The following DCAF17 variants were observed in gnomAD, a reference collection of about 807,000 sequenced individuals.
DCAF17 encodes the protein DDB1- and CUL4-associated factor 17.
Under a neutral mutation model 66.0 loss-of-function variants are expected in DCAF17, and 48 were observed. That is an observed-to-expected ratio of 0.73 (90% CI 0.58 to 0.92). The LOEUF is 0.92. Among genes scored for constraint, DCAF17 ranks in the 40% least tolerant of loss-of-function variants. The pLI is 0.00. For missense variants in DCAF17, 562 were observed against 622.8 expected, an observed-to-expected ratio of 0.90 and a Z score of 1.04; for synonymous variants, 206 against 214.6, an observed-to-expected ratio of 0.96 and a Z score of 0.35.
intron 2 of DCAF17, 99 bp from the exon 3 acceptor site, chr2:171,443,424 T>C (rs1228984036): frequency 1.1e-6 from 1 of 897,664 alleles, no homozygotes; most frequent in Admixed American, 2.1e-5. Context: ...AATTGTGCCT[T>C]GGTATTTCAC....
At chr2:171,436,794 G>A (rs1036734937) in intron 2 of DCAF17, among the ~76,000 whole-genome samples, 25 of 134,100 alleles carry the variant, frequency 1.9e-4, no homozygotes, top group African/African-American at 6.7e-4. Context: ...TTTTTTTTGA[G>A]ACAGAGTTTT....
At position 171,484,968 on chromosome 2, in the gene DCAF17, T is replaced by C. The variant is rs1479286059; in HGVS notation, c.*3854T>C. 5 of 454,024 alleles carry C rather than the reference T, an allele frequency of 1.1e-5. No homozygotes were observed. The East Asian group carries it at 3.5e-4, about 31-fold the overall frequency. The allele number at this position is 454,024 out of a possible 1,614,324, so 28.1% of individuals were successfully genotyped here. A position where few individuals can be genotyped will look rare whatever the true frequency, so the allele number is the denominator to read the frequency against. ...GTATGAATATATCACAGTTTGTTTT[T>C]TTATCTTTCTGTTGATGGACACTGG... On this transcript the variant is annotated 3_prime_UTR_variant, in exon 14 of 14. Coordinates refer to ENST00000375255, the MANE Select transcript of DCAF17 (RefSeq NM_025000.4).
intron 13 of DCAF17, among the ~76,000 whole-genome samples, chr2:171,480,564 G>T (rs970104305): frequency 5.3e-5 from 8 of 152,090 alleles, no homozygotes; most frequent in African/African-American, 1.9e-4. Context: ...GGATTCCCAG[G>T]TACTCTTGTA....
At chr2:171,436,116 G>A (rs1030017345) in intron 2 of DCAF17, among the ~76,000 whole-genome samples, 10 of 152,200 alleles carry the variant, frequency 6.6e-5, no homozygotes, top group Non-Finnish European at 1.5e-4. Context: ...TTTTCACTTT[G>A]CGTGTTTTCA....
rs1000628753 is a variant in DCAF17, at chr2:171,434,303, C to G, written c.-275C>G. Reference sequence around the variant, plus strand: ...AGCGGCTCCGGCCGGCCGCGCGGTACCGGAGCGTCGCACTGTCAGCGGCCA... The same window carrying G: ...AGCGGCTCCGGCCGGCCGCGCGGTAGCGGAGCGTCGCACTGTCAGCGGCCA... On this transcript the variant is annotated 5_prime_UTR_variant, in exon 1 of 14. Transcript: ENST00000375255. 6.5e-6 allele frequency: 4 copies of G among 613,074 alleles called. No homozygotes were observed. Among genetic ancestry groups the G allele is most frequent in the Non-Finnish European group, 1.2e-5 (4 of 334,328 alleles). The allele number at this position is 613,074 out of a possible 1,614,324, so 38.0% of individuals were successfully genotyped here.
chr2:171,479,001 T>C (rs1696625059), intron 12 of DCAF17, among the ~76,000 whole-genome samples: 1 of 152,046 alleles, frequency 6.6e-6, no homozygotes, highest in Admixed American at 6.6e-5. Flanking sequence ...TATTTTAGCC[T>C]GTAAAGGAAA....
chr2:171,439,315 C>T (rs1694153679), intron 2 of DCAF17, among the ~76,000 whole-genome samples: 1 of 151,868 alleles, frequency 6.6e-6, no homozygotes, highest in South Asian at 2.1e-4. Flanking sequence ...CTCCAATTTT[C>T]CTGTAATACT....
chr2:171,479,403 T>C (rs904751447), intron 12 of DCAF17, among the ~76,000 whole-genome samples: 4 of 152,226 alleles, frequency 2.6e-5, no homozygotes, highest in Non-Finnish European at 5.9e-5. Context: ...GAGACACAGT[T>C]CTGGGATTTT....
At chr2:171,447,573 A>G in intron 3 of DCAF17, 1 of 169,082 alleles carries the variant, frequency 5.9e-6, no homozygotes, top group South Asian at 1.2e-4. Context: ...CATGTTGGCC[A>G]GGCTGGTCTC....
At chr2:171,448,102 A>G (rs1192665514) in intron 3 of DCAF17, among the ~76,000 whole-genome samples, 2 of 152,216 alleles carry the variant, frequency 1.3e-5, no homozygotes, top group South Asian at 2.1e-4. Context: ...GGTAAAGGAA[A>G]AAGGGGGCAA....
At chr2:171,439,501 C>CT (rs1353246291) in intron 2 of DCAF17, among the ~76,000 whole-genome samples, 82 of 99,130 alleles carry the variant, frequency 8.3e-4, no homozygotes, top group Middle Eastern at 6.9e-3. Flanking sequence ...TCTAGTATTT[C>CT]TTTTTTTTCC....
chr2:171,469,851 G>A (rs1345647972), intron 9 of DCAF17, among the ~76,000 whole-genome samples: 2 of 152,126 alleles, frequency 1.3e-5, no homozygotes, highest in East Asian at 1.9e-4. Context: ...TGTCATCCAC[G>A]CTGGAGTACA....
intron 10 of DCAF17, among the ~76,000 whole-genome samples, chr2:171,475,984 C>T (rs575322611): frequency 5.3e-5 from 8 of 152,186 alleles, no homozygotes; most frequent in Admixed American, 1.3e-4. Flanking sequence ...ACAAGGCCCA[C>T]GAAGAGTGTA....
At chr2:171,442,563 C>CAAAA (rs1176443561) in intron 2 of DCAF17, among the ~76,000 whole-genome samples, 82 of 59,882 alleles carry the variant, frequency 1.4e-3, no homozygotes, top group Middle Eastern at 9.8e-3. Flanking sequence ...GACTCCATCT[C>CAAAA]AAAAAAAAAA....
At chr2:171,453,307 G>A (rs1356855021) in intron 6 of DCAF17, 94 bp downstream of exon 6, 2 of 949,380 alleles carry the variant, frequency 2.1e-6, no homozygotes, top group South Asian at 1.6e-5. Flanking sequence ...GATTGGAAAT[G>A]CTCCCCTCAC....
At chr2:171,459,773 G>A (rs1695468045) in intron 8 of DCAF17, among the ~76,000 whole-genome samples, 1 of 152,134 alleles carries the variant, frequency 6.6e-6, no homozygotes, top group Non-Finnish European at 1.5e-5. Flanking sequence ...GGGAGTTCAA[G>A]TAAGTTATTC....
chr2:171,434,581 G>A lies in DCAF17; in HGVS notation c.4G>A (p.Gly2Ser), dbSNP rs1693664593. 9 of 1,527,188 alleles carry A rather than the reference G, an allele frequency of 5.9e-6. No individual in the cohort carries two copies. The highest frequency in any genetic ancestry group is 2.0e-5 in the Admixed American group (1 of 50,666). The allele number at this position is 1,527,188 out of a possible 1,614,324, so 94.6% of individuals were successfully genotyped here. The change falls in exon 1 of 14, where the codon GGC becomes AGC. Residue 2 changes from glycine (G) to serine (S), a missense_variant. This residue lies in a region of DCAF17 where 348 missense variants were observed against 355.9 expected (regional missense o/e 0.98). Transcript: ENST00000375255. ...CCAGGGCCCGGCCCGCGCCTCCATG[G>A]GCCCGACCCGGAAGCCCAACGTGTG... MGPTRKPNVCSR... is the reference protein window; with the variant it reads MSPTRKPNVCSR...
intron 12 of DCAF17, among the ~76,000 whole-genome samples, chr2:171,478,981 A>G (rs192898478): frequency 9.2e-5 from 14 of 152,332 alleles, no homozygotes; most frequent in African/African-American, 3.1e-4. Context: ...CATGAGATTA[A>G]AAAACAAAAT....
intron 8 of DCAF17, among the ~76,000 whole-genome samples, chr2:171,461,519 T>C (rs1396046228): frequency 6.6e-6 from 1 of 152,180 alleles, no homozygotes; most frequent in East Asian, 1.9e-4. Context: ...TATAGTCCTC[T>C]TACATGGGGT....
Sources: gnomAD v4.1 joint callset for allele counts (sites outside exome capture counted in the v4.1 genomes callset) on GRCh38, gnomAD v4.1.1 for gene constraint, gnomAD v4.1.1 regional missense constraint, MANE v1.5 for transcripts, NCBI Gene and HGNC (gene_info 2026-07-23, HGNC 2026-07-21) for gene names.